The following CAMTA1 variants were observed in gnomAD, a reference collection of about 807,000 sequenced individuals.
CAMTA1 encodes the protein calmodulin-binding transcription activator 1.
CAMTA1 carries 27 observed loss-of-function variants against 170.9 expected under a neutral mutation model. The ratio of observed to expected loss-of-function variants is 0.16; its 90% CI spans 0.12 to 0.22. The LOEUF (loss-of-function observed/expected upper bound fraction) is 0.22. CAMTA1 is among the 10% of genes least tolerant of loss of function. The probability of loss-of-function intolerance (pLI) is 1.00; values close to 1 mark genes in which losing one functional copy is unlikely to be tolerated. For synonymous variants in CAMTA1, 833 were observed against 891.5 expected (o/e 0.93, Z 1.17); for missense variants, 1,619 against 2,217.2 (o/e 0.73, Z 5.42).
chr1:7,290,798 C>A lies in CAMTA1; in HGVS notation c.438+41172C>A, dbSNP rs144837333. Among the ~76,000 whole-genome samples, 32 of 152,202 alleles carry A rather than the reference C, an allele frequency of 2.1e-4. No individual in the cohort carries two copies. The East Asian group carries it at 6.2e-3, about 29-fold the overall frequency. ...CAGATGACAGTCATAGAATGAAACT[C>A]CCAATGAATAGAAAACCCCTAACAT... On this transcript the variant is annotated intron_variant, in intron 5 of 22. Transcript: ENST00000303635.
At chr1:7,402,783 C>T (rs1470534854) in intron 5 of CAMTA1, among the ~76,000 whole-genome samples, 1 of 152,148 alleles carries the variant, frequency 6.6e-6, no homozygotes, top group Non-Finnish European at 1.5e-5. Flanking sequence ...ACTTTTGAAA[C>T]TGAAAGCAAA....
intron 6 of CAMTA1, among the ~76,000 whole-genome samples, chr1:7,599,343 C>A (rs111785235): frequency 6.6e-6 from 1 of 152,112 alleles, no homozygotes; most frequent in Non-Finnish European, 1.5e-5. Flanking sequence ...GTTACTGTAG[C>A]CTTGTAGTAT....
In CAMTA1 at chr1:7,293,305, G is replaced by A. The variant is rs1346073525; in HGVS notation, c.438+43679G>A. Among the ~76,000 whole-genome samples, 1 of 152,172 alleles carries A rather than the reference G, an allele frequency of 6.6e-6. No individual in the cohort carries two copies. The highest frequency in any genetic ancestry group is 2.4e-5 in the African/African-American group (1 of 41,454). On this transcript the variant is annotated intron_variant, in intron 5 of 22. Coordinates refer to ENST00000303635, the MANE Select transcript of CAMTA1 (RefSeq NM_015215.4). The surrounding 1 kb of genome is among the most constrained non-coding windows in gnomAD (Gnocchi z 4.1). ...GAGGCCTGCTGTGACAAGGGATAAC[G>A]TGCTGGCAGGCCACTTGTCCAAGAG... is the stretch of plus-strand genomic sequence containing the variant.
At chr1:7,438,967 T>C (rs1184510113) in intron 5 of CAMTA1, among the ~76,000 whole-genome samples, 3 of 151,868 alleles carry the variant, frequency 2.0e-5, no homozygotes, top group Non-Finnish European at 2.9e-5. Flanking sequence ...CACAGAGAGG[T>C]GTCACGGAGC....
At chr1:6,785,828 G>A (rs998771771) in intron 1 of CAMTA1, among the ~76,000 whole-genome samples, 2 of 143,116 alleles carry the variant, frequency 1.4e-5, no homozygotes, top group Non-Finnish European at 3.1e-5. Context: ...GGGCCGGAGG[G>A]GGCGGGGGGC....
intron 5 of CAMTA1, among the ~76,000 whole-genome samples, chr1:7,399,187 G>C (rs2089687140): frequency 6.6e-6 from 1 of 152,140 alleles, no homozygotes. Context: ...GGTAATGAAT[G>C]CGTTCTTGCT....
At chr1:7,560,600 A>G (rs2150252453) in intron 6 of CAMTA1, among the ~76,000 whole-genome samples, 1 of 152,334 alleles carries the variant, frequency 6.6e-6, no homozygotes, top group Non-Finnish European at 1.5e-5. Flanking sequence ...AGACGTGCAG[A>G]CAGGCAGGGC....
intron 3 of CAMTA1, among the ~76,000 whole-genome samples, chr1:7,029,880 AAAAAC>A (rs1324717066): frequency 6.6e-6 from 1 of 152,258 alleles, no homozygotes; most frequent in African/African-American, 2.4e-5. Context: ...TATACTTTCC[AAAAAC>A]AAAACAAAAT....
At chr1:7,136,043 G>T (rs546396576) in intron 4 of CAMTA1, among the ~76,000 whole-genome samples, 12 of 152,262 alleles carry the variant, frequency 7.9e-5, no homozygotes, top group Admixed American at 6.5e-5. Context: ...GAGAAAAACA[G>T]GTACCTGTGC....
intron 5 of CAMTA1, among the ~76,000 whole-genome samples, chr1:7,378,695 A>G (rs2087035217): frequency 6.6e-6 from 1 of 152,144 alleles, no homozygotes; most frequent in South Asian, 2.1e-4. Flanking sequence ...TACACAGCTG[A>G]GAACATCCTA....
At chr1:7,608,238 C>T (rs977226124) in intron 6 of CAMTA1, among the ~76,000 whole-genome samples, 20 of 152,196 alleles carry the variant, frequency 1.3e-4, no homozygotes, top group African/African-American at 4.3e-4. Flanking sequence ...GCAGAGAGGA[C>T]AGGAAGCATG....
At chr1:7,155,928 C>G (rs1036756365) in intron 4 of CAMTA1, among the ~76,000 whole-genome samples, 21 of 152,172 alleles carry the variant, frequency 1.4e-4, no homozygotes, top group African/African-American at 5.1e-4. Context: ...GGCATCTCTT[C>G]TAGAGCTAGC....
chr1:7,646,948 C>A (rs1289793320), intron 7 of CAMTA1, among the ~76,000 whole-genome samples: 3 of 152,212 alleles, frequency 2.0e-5, no homozygotes, highest in Admixed American at 2.0e-4. Context: ...GTCCTGCCAG[C>A]CTTCAGCATC....
chr1:7,425,413 C>T (rs1411546708), intron 5 of CAMTA1, among the ~76,000 whole-genome samples: 2 of 152,114 alleles, frequency 1.3e-5, no homozygotes, highest in South Asian at 2.1e-4. Flanking sequence ...AGTCCCCTAG[C>T]CCATGTCAGT....
chr1:6,835,594 A>C (rs1363180880), intron 3 of CAMTA1, among the ~76,000 whole-genome samples: 1 of 152,168 alleles, frequency 6.6e-6, no homozygotes, highest in Non-Finnish European at 1.5e-5. Flanking sequence ...GAGGATGTGC[A>C]TTTCTAACAA....
intron 6 of CAMTA1, among the ~76,000 whole-genome samples, chr1:7,504,698 A>C (rs957037423): frequency 6.6e-6 from 1 of 152,272 alleles, no homozygotes; most frequent in African/African-American, 2.4e-5. Flanking sequence ...ATTCTAGAGC[A>C]GTGGTCCTCC....
At chr1:7,694,080 T>C (rs1362679845) in intron 11 of CAMTA1, 3 of 152,246 alleles carry the variant, frequency 2.0e-5, no homozygotes, top group African/African-American at 7.2e-5. Flanking sequence ...GACCTCTCTT[T>C]GGGCAACGTT....
chr1:6,785,505 G>T lies in CAMTA1; in HGVS notation c.-26G>T. 9.6e-7 allele frequency: 1 copy of T among 1,037,914 alleles called. No homozygotes were observed. Among genetic ancestry groups the T allele is most frequent in the Non-Finnish European group, 1.2e-6 (1 of 856,990 alleles). 64.3% of individuals were successfully genotyped at this position (1,037,914 alleles called of 1,614,324 possible). A position where few individuals can be genotyped will look rare whatever the true frequency, so the allele number is the denominator to read the frequency against. On this transcript the variant is annotated 5_prime_UTR_variant, in exon 1 of 23. Transcript: ENST00000303635. ...GGCGGCGGTACGAGGCGCGCGCTCG[G>T]GGTCCCGGTCGCGAGGAGGAGGAGG...
chr1:7,708,454 T>C (rs993854794), intron 11 of CAMTA1, among the ~76,000 whole-genome samples: 5 of 151,946 alleles, frequency 3.3e-5, no homozygotes, highest in Non-Finnish European at 5.9e-5. Context: ...GCCATGATCA[T>C]GCCACTGCTA....
Sources: allele counts gnomAD v4.1 joint callset (sites outside exome capture counted in the v4.1 genomes callset), GRCh38; gene constraint gnomAD v4.1.1; non-coding constraint Gnocchi (gnomAD v3.1); transcripts MANE v1.5; gene names NCBI Gene and HGNC (gene_info 2026-07-23, HGNC 2026-07-21).